The following THNSL2 variants were observed in gnomAD, a reference collection of about 807,000 sequenced individuals.
The protein encoded by THNSL2 is threonine synthase like 2.
THNSL2 carries 34 observed loss-of-function variants against 40.0 expected under a neutral mutation model. That is an observed-to-expected ratio of 0.85 (90% CI 0.65 to 1.13). THNSL2 has a LOEUF of 1.13. THNSL2 is among the 50% of genes most tolerant of loss of function. The pLI is 0.00. For missense variants in THNSL2, 537 were observed against 608.8 expected, an observed-to-expected ratio of 0.88 and a Z score of 1.24; for synonymous variants, 241 against 247.5, an observed-to-expected ratio of 0.97 and a Z score of 0.25.
At chr2:88,182,466 T>C in intron 5 of THNSL2, 1 of 373,592 alleles carries the variant, frequency 2.7e-6, no homozygotes, top group Non-Finnish European at 4.7e-6. Flanking sequence ...ATTTTTATTA[T>C]TGAGTTGCAA....
Position 88,179,016 on chromosome 2 carries a change from A to G in THNSL2, c.802+3A>G. 6.2e-7 allele frequency: 1 copy of G among 1,614,150 alleles called. No homozygotes were observed. The highest frequency in any genetic ancestry group is 8.5e-7 in the Non-Finnish European group (1 of 1,179,986). On this transcript the variant is annotated splice_donor_region_variant and intron_variant, in intron 5 of 8. Transcript: ENST00000674334. ...AGGGGCTGCCGGTAACCTTGCAGGT[A>G]AGGAATCCCCGGGGCACAAATGGGC...
intron 1 of THNSL2, chr2:88,172,809 A>G (rs934623445): frequency 1.3e-4 from 24 of 190,698 alleles, no homozygotes; most frequent in Non-Finnish European, 2.5e-4. Context: ...GCAGTTGCCT[A>G]CTATTGCTAT....
At chr2:88,183,347 A>G (rs1677904442) in intron 7 of THNSL2, 2 of 327,188 alleles carry the variant, frequency 6.1e-6, no homozygotes, top group South Asian at 1.6e-4. Context: ...TCGTTTATAA[A>G]ATGGGGATAA....
chr2:88,177,678 C>G (rs1677083929), intron 4 of THNSL2, among the ~76,000 whole-genome samples: 1 of 152,186 alleles, frequency 6.6e-6, no homozygotes, highest in Admixed American at 6.5e-5. Context: ...AAGGCTCATT[C>G]CTCTTGTGGT....
In THNSL2 at chr2:88,178,742, A is replaced by G. The variant is rs758003187; in HGVS notation, c.572-41A>G. 14 of 1,610,504 alleles carry G rather than the reference A, an allele frequency of 8.7e-6. No individual in the cohort carries two copies. In the South Asian group the frequency reaches 1.3e-4, roughly 15 times the overall value. On this transcript the variant is annotated intron_variant, in intron 4 of 8. Transcript: ENST00000674334. ...TGAGTGCTGACCTCCTGGGGGTTCT[A>G]CATGCTCCTGACAGCTGCCCTCTTC...
chr2:88,176,157 A>G (rs1376821443), intron 4 of THNSL2: 1 of 152,284 alleles, frequency 6.6e-6, no homozygotes, highest in Non-Finnish European at 1.5e-5. Flanking sequence ...GTATGGGAAC[A>G]ACTAAGCCAT....
At position 88,178,893 on chromosome 2, in the gene THNSL2, G is replaced by T. The variant is rs755670291; in HGVS notation, c.682G>T (p.Val228Phe). Residue 228 changes from valine to phenylalanine, a missense_variant, in exon 5 of 9, where the codon GTC (valine) becomes TTC (phenylalanine). Transcript: ENST00000674334. ...CCTGAATTCGATCAACTGGTCCCGG[G>T]TCCTGGTGCAGATGGCCCATCACTT... ...MSLNSINWSR[V>F]LVQMAHHFFA... 8.7e-6 allele frequency: 14 copies of T among 1,614,100 alleles called. No individual in the cohort carries two copies. The highest frequency in any genetic ancestry group is 1.1e-5 in the Non-Finnish European group (13 of 1,180,050).
At chr2:88,172,304 C>T (rs536263496) in intron 1 of THNSL2, 3 of 152,342 alleles carry the variant, frequency 2.0e-5, no homozygotes, top group South Asian at 2.1e-4. Context: ...TCCTGGGCTT[C>T]CCCAGGAACC....
In THNSL2 at chr2:88,186,158, C is replaced by T; in HGVS notation, c.*35C>T. 6.5e-7 allele frequency: 1 copy of T among 1,542,734 alleles called. No homozygotes were observed. Among genetic ancestry groups the T allele is most frequent in the African/African-American group, 1.4e-5 (1 of 72,946 alleles). Reference sequence around the variant, plus strand: ...AGGTGGCTTTCTTTAGGCTTCAGATCCCAGGAAGATGCACCTTCTGAGCTG... The same window carrying T: ...AGGTGGCTTTCTTTAGGCTTCAGATTCCAGGAAGATGCACCTTCTGAGCTG... On this transcript the variant is annotated 3_prime_UTR_variant, in exon 9 of 9. Coordinates refer to ENST00000674334, the MANE Select transcript of THNSL2 (RefSeq NM_018271.5).
rs781493222 is a variant in THNSL2, at chr2:88,175,246, C to T, written c.419-3C>T. ...GGGAGAGTTCTCCTTTCTTCCCATC[C>T]AGGAACATCTGGGGACACAGGAAGT... On this transcript the variant is annotated splice_polypyrimidine_tract_variant and splice_region_variant and intron_variant, in intron 3 of 8. Transcript: ENST00000674334. 22 of 1,613,342 alleles carry T rather than the reference C, an allele frequency of 1.4e-5. No individual in the cohort carries two copies. The highest frequency in any genetic ancestry group is 1.8e-5 in the Non-Finnish European group (21 of 1,179,628).
chr2:88,185,127 A>G (rs1297943407), intron 7 of THNSL2, among the ~76,000 whole-genome samples: 1 of 152,156 alleles, frequency 6.6e-6, no homozygotes, highest in East Asian at 1.9e-4. Context: ...TAAAACTCAA[A>G]CGTATCTTTC....
chr2:88,174,419 A>G (rs1252953029), intron 2 of THNSL2, among the ~76,000 whole-genome samples: 1 of 152,234 alleles, frequency 6.6e-6, no homozygotes, highest in African/African-American at 2.4e-5. Context: ...AATTCTGGTC[A>G]CTGAGGAAAT....
intron 3 of THNSL2, 29 bp from the exon 4 acceptor site, chr2:88,175,220 G>T (rs1676790528): frequency 6.2e-7 from 1 of 1,608,318 alleles, no homozygotes; most frequent in African/African-American, 1.3e-5. Flanking sequence ...TGTTCTAAAG[G>T]GGGAGAGTTC....
At chr2:88,179,113 T>G in intron 5 of THNSL2, 100 bp downstream of exon 5, 2 of 1,218,294 alleles carry the variant, frequency 1.6e-6, no homozygotes, top group Non-Finnish European at 2.4e-6. Flanking sequence ...AGAAGGAAGG[T>G]GGAGTCCCAG....
At chr2:88,172,862 C>T (rs1464711413) in intron 1 of THNSL2, 6 of 272,582 alleles carry the variant, frequency 2.2e-5, no homozygotes, top group Non-Finnish European at 3.4e-5. Flanking sequence ...TTGGTGAGGA[C>T]CAAGCTTTCT....
chr2:88,185,282 T>TAGGGAA, intron 7 of THNSL2, 46 bp from the exon 8 acceptor site: 1 of 1,575,512 alleles, frequency 6.3e-7, no homozygotes, highest in Non-Finnish European at 8.6e-7. Flanking sequence ...CATCTTTCCC[T>TAGGGAA]ACATCCCCCC....
At chr2:88,174,595 G>A in intron 2 of THNSL2, 44 bp from the exon 3 acceptor site, 3 of 1,564,668 alleles carry the variant, frequency 1.9e-6, no homozygotes, top group Non-Finnish European at 2.6e-6. Context: ...ACTTGAGAAA[G>A]AGACCAGGCC....
At chr2:88,184,521 T>C (rs901983961) in intron 7 of THNSL2, among the ~76,000 whole-genome samples, 6 of 152,020 alleles carry the variant, frequency 3.9e-5, no homozygotes, top group African/African-American at 1.5e-4. Context: ...TCCCAGAACT[T>C]TGGGAGGCTG....
chr2:88,171,557 A>T, intron 1 of THNSL2: 1 of 284,794 alleles, frequency 3.5e-6, no homozygotes, highest in Non-Finnish European at 7.2e-6. Context: ...GTCTGGTCCT[A>T]TGAAGGCCTT....
Sources: gnomAD v4.1 joint callset for allele counts (sites outside exome capture counted in the v4.1 genomes callset) on GRCh38, gnomAD v4.1.1 for gene constraint, MANE v1.5 for transcripts, NCBI Gene and HGNC (gene_info 2026-07-23, HGNC 2026-07-21) for gene names.